Variants in FCHO1 observed in about 807,000 individuals in gnomAD.
FCHO1 encodes FCH and mu domain containing endocytic adaptor 1, also known as F-BAR domain only protein 1.
FCHO1 carries 45 observed loss-of-function variants against 114.4 expected under a neutral mutation model. The ratio of observed to expected loss-of-function variants is 0.39; its 90% CI spans 0.31 to 0.50. The LOEUF is 0.50. FCHO1 is among the 20% of genes least tolerant of loss of function. The probability of loss-of-function intolerance (pLI) is 0.77; values close to 1 mark genes in which losing one functional copy is unlikely to be tolerated. For synonymous variants in FCHO1, 480 were observed against 488.9 expected (o/e 0.98, Z 0.24); for missense variants, 1,042 against 1,209.6 (o/e 0.86, Z 2.06).
chr19:17,750,791 C>T (rs1338193955), upstream of FCHO1, among the ~76,000 whole-genome samples: 3 of 151,224 alleles, frequency 2.0e-5, no homozygotes, highest in Non-Finnish European at 2.9e-5. Context: ...TGAAGGAAAG[C>T]GCTCATGAAT....
In FCHO1 at chr19:17,771,387, G is replaced by C. The variant is rs529827161; in HGVS notation, c.594+491G>C. ...AAAAAAAAAGAAAAGAAAAGAAAAA[G>C]GCTGGGCGCGGTGGCTCATGCCTGT... On this transcript the variant is annotated intron_variant, in intron 9 of 28. Transcript: ENST00000596536. 9.9e-4 allele frequency among the ~76,000 whole-genome samples: 149 copies of C among 150,220 alleles called. 1 individual carries two copies. Among genetic ancestry groups the C allele is most frequent in the African/African-American group, 3.5e-3 (146 of 41,158 alleles).
chr19:17,767,519 A>G (rs1008320506), intron 7 of FCHO1, among the ~76,000 whole-genome samples: 5 of 139,898 alleles, frequency 3.6e-5, no homozygotes, highest in African/African-American at 5.3e-5. Flanking sequence ...GTGAGCCATG[A>G]TCATGCCACT....
At chr19:17,777,913 C>G (rs1015011437) in intron 18 of FCHO1, among the ~76,000 whole-genome samples, 3 of 152,172 alleles carry the variant, frequency 2.0e-5, no homozygotes, top group Non-Finnish European at 4.4e-5. Context: ...GTGGCAGGTG[C>G]CTGTAATCCC....
chr19:17,765,682 C>A (rs1599625853), intron 6 of FCHO1, among the ~76,000 whole-genome samples: 1 of 151,430 alleles, frequency 6.6e-6, no homozygotes, highest in Admixed American at 6.6e-5. Context: ...CAAAAAAAAA[C>A]AAAAATAAAA....
Position 17,783,999 on chromosome 19 carries a change from G to A in FCHO1, c.2094-104G>A, listed in dbSNP as rs1302990515. The A allele has an allele frequency of 5.0e-6, 7 of 1,414,000 alleles. No homozygotes were observed. In the South Asian group the frequency reaches 6.7e-5, roughly 14 times the overall value. The allele number at this position is 1,414,000 out of a possible 1,614,324, so 87.6% of individuals were successfully genotyped here. ...CCCAGGTAGGGCTTTGCTGGGCCCA[G>A]GGTGGGCCAGGAAATTGCATCTTTA... On this transcript the variant is annotated intron_variant, in intron 24 of 28. Transcript: ENST00000596536.
At chr19:17,747,804 G>A (rs1245055650), upstream of FCHO1, 4 of 152,130 alleles carry the variant, frequency 2.6e-5, no homozygotes, top group Admixed American at 2.0e-4. Context: ...GGCTCGGCCC[G>A]AGCTCAGGAG....
Position 17,781,354 on chromosome 19 carries a change from G to C in FCHO1, c.1740+11G>C. On this transcript the variant is annotated intron_variant, in intron 21 of 28. Coordinates refer to ENST00000596536, the MANE Select transcript of FCHO1 (RefSeq NM_015122.3). The stretch of plus-strand genomic sequence containing the variant: ...AGCAATGGGGACCTGGTAGGTGAGG[G>C]GGCGTGGCAGGAGCTGGACTGGGGG... The C allele has an allele frequency of 6.2e-7, 1 of 1,611,774 alleles. No individual in the cohort carries two copies. The highest frequency in any genetic ancestry group is 1.1e-5 in the South Asian group (1 of 91,028).
In FCHO1 at chr19:17,776,012, A is replaced by G; in HGVS notation, c.1033A>G (p.Ser345Gly). 1.2e-6 allele frequency: 2 copies of G among 1,608,954 alleles called. No homozygotes were observed. Among genetic ancestry groups the G allele is most frequent in the South Asian group, 1.1e-5 (1 of 91,068 alleles). Residue 345 changes from serine to glycine, a missense_variant, in exon 16 of 29, where the codon AGC becomes GGC. This residue lies in a region of FCHO1 where 450 missense variants were observed against 564.1 expected (regional missense o/e 0.80). Coordinates refer to ENST00000596536, the MANE Select transcript of FCHO1 (RefSeq NM_015122.3). The surrounding 1 kb of genome is among the most constrained non-coding windows in gnomAD (Gnocchi z 4.4). ...GGCCGAGCCCTCCCGTTTCTCGTCC[A>G]GCGACTCCGACTTCGACGATGAAGA... ...STAEPSRFSSSDSDFDDEEPR... is the reference protein window; with the variant it reads ...STAEPSRFSSGDSDFDDEEPR...
intron 13 of FCHO1, 131 bp downstream of exon 13, chr19:17,774,609 C>A (rs1009874517): frequency 1.4e-6 from 1 of 700,584 alleles, no homozygotes; most frequent in South Asian, 1.8e-5. Context: ...AGGATTCCCT[C>A]TACCTGAGCT....
rs1323839002 is a variant in FCHO1, at chr19:17,757,762, A to G, written c.27+2571A>G. ...AGACCCCGTCTCTACTAAAAATACA[A>G]AAAATTAGCTGGGTGTGGTGGCGCG... On this transcript the variant is annotated intron_variant, in intron 4 of 28. Transcript: ENST00000596536. Among the ~76,000 whole-genome samples, 4 of 151,984 alleles carry G rather than the reference A, an allele frequency of 2.6e-5. No homozygotes were observed. The East Asian group carries it at 7.7e-4, about 29-fold the overall frequency.
chr19:17,787,637 G>A (rs1473539457), intron 27 of FCHO1, 45 bp from the exon 28 acceptor site: 2 of 1,517,168 alleles, frequency 1.3e-6, no homozygotes, highest in Non-Finnish European at 1.8e-6. Context: ...TCACAGCTGG[G>A]ACGGGGGCTG....
rs1228941183 is a variant in FCHO1 at position 17,783,111 on chromosome 19, T to G, written c.2032T>G (p.Phe678Val). The change falls in exon 24 of 29, where the codon TTC becomes GTC. Residue 678 changes from phenylalanine (F) to valine (V), a missense_variant. Phe to Val is a conservative substitution (Grantham distance 50). Around this residue, in one of 3 missense-constraint regions of FCHO1, gnomAD observed 455 missense variants for 455.4 expected, o/e 1.00. Transcript: ENST00000596536. The part of the protein sequence containing the change: ...SGTPPPPVLS[F>V]RLVHTTAIEH... Reference sequence around the variant, plus strand: ...GACCCCACCACCACCTGTCCTCAGCTTCCGGCTTGTACACACAACCGCTAT... The same window carrying G: ...GACCCCACCACCACCTGTCCTCAGCGTCCGGCTTGTACACACAACCGCTAT... The G allele has an allele frequency of 6.2e-7, 1 of 1,614,058 alleles. No homozygotes were observed. The highest frequency in any genetic ancestry group is 8.5e-7 in the Non-Finnish European group (1 of 1,180,046).
chr19:17,782,972 C>T, intron 23 of FCHO1, 45 bp from the exon 24 acceptor site: 1 of 1,598,550 alleles, frequency 6.3e-7, no homozygotes, highest in Non-Finnish European at 8.5e-7. Context: ...GATGAGGCAC[C>T]AGGCAGAGCC....
chr19:17,753,288 G>A (rs1370862909), intron 1 of FCHO1, among the ~76,000 whole-genome samples: 3 of 152,200 alleles, frequency 2.0e-5, no homozygotes, highest in Non-Finnish European at 4.4e-5. Context: ...TCCTAAGGGG[G>A]TGTGGTGGGG....
chr19:17,780,654 C>T (rs998266185), intron 20 of FCHO1, among the ~76,000 whole-genome samples: 2 of 151,980 alleles, frequency 1.3e-5, no homozygotes, highest in Non-Finnish European at 2.9e-5. Flanking sequence ...TGGTCCAGCC[C>T]CCAAATATCC....
chr19:17,772,872 AGGCT>A, intron 11 of FCHO1, 131 bp downstream of exon 11: 1 of 667,930 alleles, frequency 1.5e-6, no homozygotes, highest in Non-Finnish European at 2.5e-6. Flanking sequence ...CATGTTGGCC[AGGCT>A]GGTCTCGAAC....
chr19:17,754,111 C>T (rs142155110), intron 1 of FCHO1: 2,081 of 152,432 alleles, frequency 0.014, 19 homozygotes, highest in Non-Finnish European at 0.022. Flanking sequence ...ACTGTTCCTA[C>T]GAGGCTCCCA....
chr19:17,748,507 T>TGA (rs147868839), upstream of FCHO1, among the ~76,000 whole-genome samples: 12 of 134,432 alleles, frequency 8.9e-5, no homozygotes, highest in African/African-American at 3.1e-4. Flanking sequence ...AGCCTGGACT[T>TGA]GGGGGGGGGG....
chr19:17,772,860 A>G, intron 11 of FCHO1, 119 bp downstream of exon 11: 1 of 713,456 alleles, frequency 1.4e-6, no homozygotes, highest in Non-Finnish European at 2.3e-6. Context: ...ACGAGGTTTC[A>G]CCATGTTGGC....
Sources: allele counts gnomAD v4.1 joint callset (sites outside exome capture counted in the v4.1 genomes callset), GRCh38; gene constraint gnomAD v4.1.1; regional missense constraint gnomAD v4.1.1; non-coding constraint Gnocchi (gnomAD v3.1); transcripts MANE v1.5; gene names NCBI Gene and HGNC (gene_info 2026-07-23, HGNC 2026-07-21).